Variants in PDE4B observed in about 807,000 individuals in gnomAD.
The protein encoded by PDE4B is phosphodiesterase 4B.
In PDE4B, 20 loss-of-function variants were observed where a neutral mutation model predicts 82.2. That is an observed-to-expected ratio of 0.24 (90% CI 0.17 to 0.35). The LOEUF (loss-of-function observed/expected upper bound fraction) is 0.35. PDE4B is among the 10% of genes least tolerant of loss of function. The pLI is 1.00. For synonymous variants in PDE4B, 320 were observed against 318.9 expected, an observed-to-expected ratio of 1.00 and a Z score of -0.04; for missense variants, 655 against 907.2, an observed-to-expected ratio of 0.72 and a Z score of 3.57.
At chr1:65,928,689 C>T (rs551700076) in intron 3 of PDE4B, among the ~76,000 whole-genome samples, 167 of 152,282 alleles carry the variant, frequency 1.1e-3, no homozygotes, top group African/African-American at 3.9e-3. Flanking sequence ...ATCTTCTGGA[C>T]CCTCCCAGCT....
chr1:65,981,157 T>C (rs1186120774), intron 3 of PDE4B, among the ~76,000 whole-genome samples: 4 of 152,164 alleles, frequency 2.6e-5, no homozygotes, highest in African/African-American at 9.7e-5. Flanking sequence ...TTTCTACCTA[T>C]AATACTTAAG....
At chr1:66,222,214 T>C (rs1651046640) in intron 3 of PDE4B, among the ~76,000 whole-genome samples, 1 of 152,224 alleles carries the variant, frequency 6.6e-6, no homozygotes, top group South Asian at 2.1e-4. Context: ...TTTCTCTCGC[T>C]GTACGTGGTC....
At chr1:65,917,899 C>T (rs1647181006) in intron 2 of PDE4B, among the ~76,000 whole-genome samples, 1 of 152,232 alleles carries the variant, frequency 6.6e-6, no homozygotes, top group Non-Finnish European at 1.5e-5. Flanking sequence ...CGTAGTGGCT[C>T]ATGCCTGTAA....
chr1:65,889,844 G>A (rs573914443), intron 1 of PDE4B, among the ~76,000 whole-genome samples: 14 of 152,168 alleles, frequency 9.2e-5, no homozygotes, highest in Non-Finnish European at 2.1e-4. Flanking sequence ...CTACAATTTT[G>A]TTCCTATGGA....
intron 3 of PDE4B, among the ~76,000 whole-genome samples, chr1:66,227,788 T>C (rs1462266962): frequency 6.6e-6 from 1 of 152,256 alleles, no homozygotes; most frequent in Non-Finnish European, 1.5e-5. Context: ...GATATGCCTA[T>C]TTCATATCTC....
At chr1:66,113,409 T>C (rs1645528644) in intron 3 of PDE4B, among the ~76,000 whole-genome samples, 1 of 152,230 alleles carries the variant, frequency 6.6e-6, no homozygotes, top group South Asian at 2.1e-4. Context: ...ACAAAATTGC[T>C]GTTGCTGATC....
intron 3 of PDE4B, among the ~76,000 whole-genome samples, chr1:65,944,730 A>G (rs1648615548): frequency 6.6e-6 from 1 of 151,958 alleles, no homozygotes; most frequent in Admixed American, 6.6e-5. Flanking sequence ...ACTGCAGGTA[A>G]GTCATGTAAA....
intron 3 of PDE4B, among the ~76,000 whole-genome samples, chr1:65,962,967 A>G (rs1649622075): frequency 6.6e-6 from 1 of 152,180 alleles, no homozygotes; most frequent in Non-Finnish European, 1.5e-5. Flanking sequence ...GTCCCCAGGA[A>G]ACAACAGCAA....
intron 3 of PDE4B, among the ~76,000 whole-genome samples, chr1:66,071,534 C>T (rs922207868): frequency 9.9e-5 from 15 of 152,102 alleles, no homozygotes; most frequent in African/African-American, 3.6e-4. Context: ...ATGTAAGGAG[C>T]TTACATCATT....
At chr1:66,200,601 T>G (rs1376043749) in intron 3 of PDE4B, among the ~76,000 whole-genome samples, 1 of 152,138 alleles carries the variant, frequency 6.6e-6, no homozygotes, top group Non-Finnish European at 1.5e-5. Context: ...TTATTCTCTT[T>G]GAAGCAATTG....
chr1:66,292,941 G>T (rs1414056898), intron 7 of PDE4B, among the ~76,000 whole-genome samples: 1 of 152,156 alleles, frequency 6.6e-6, no homozygotes, highest in African/African-American at 2.4e-5. Context: ...CAAAGGGCCA[G>T]AGCTCCCTGG....
chr1:66,233,694 A>ATGTG (rs140691370), intron 3 of PDE4B, among the ~76,000 whole-genome samples: 180 of 151,046 alleles, frequency 1.2e-3, no homozygotes, highest in East Asian at 8.2e-3. Context: ...ATGTAAATAT[A>ATGTG]TGTGTGTGTG....
At chr1:66,233,360 A>G (rs961867603) in intron 3 of PDE4B, among the ~76,000 whole-genome samples, 1 of 152,056 alleles carries the variant, frequency 6.6e-6, no homozygotes, top group Non-Finnish European at 1.5e-5. Context: ...GGTATATCAC[A>G]ATTTGTTTAT....
chr1:65,925,517 C>G (rs1023933663), intron 3 of PDE4B, among the ~76,000 whole-genome samples: 1 of 152,090 alleles, frequency 6.6e-6, no homozygotes, highest in Non-Finnish European at 1.5e-5. Context: ...TTATGCACCC[C>G]CCGAGCCCCT....
At chr1:66,249,499 C>T (rs1351479036) in intron 4 of PDE4B, among the ~76,000 whole-genome samples, 1 of 152,086 alleles carries the variant, frequency 6.6e-6, no homozygotes, top group Admixed American at 6.6e-5. Flanking sequence ...TATTTGGAAT[C>T]AAAAGGTTGT....
intron 1 of PDE4B, among the ~76,000 whole-genome samples, chr1:65,876,403 AAT>A (rs1646644036): frequency 6.6e-6 from 1 of 152,126 alleles, no homozygotes; most frequent in Non-Finnish European, 1.5e-5. Context: ...TATTTTGTCA[AAT>A]AGTTAAAACA....
chr1:66,336,242 C>T (rs1455230931), intron 8 of PDE4B, among the ~76,000 whole-genome samples: 1 of 152,146 alleles, frequency 6.6e-6, no homozygotes, highest in African/African-American at 2.4e-5. Flanking sequence ...TCCTGACAGA[C>T]GCAGTCAGTA....
intron 3 of PDE4B, among the ~76,000 whole-genome samples, chr1:66,100,140 C>T (rs983691016): frequency 6.6e-6 from 1 of 150,932 alleles, no homozygotes; most frequent in Non-Finnish European, 1.5e-5. Flanking sequence ...TGCAGTCTCC[C>T]CCTCCTGAGT....
chr1:66,371,863 T>A (rs75762396), intron 16 of PDE4B, among the ~76,000 whole-genome samples: 3,102 of 152,240 alleles, frequency 0.02, 100 homozygotes, highest in African/African-American at 0.072. Flanking sequence ...ACTCACAGAA[T>A]CCAAGTAGTG....
Sources: allele counts gnomAD v4.1 joint callset (sites outside exome capture counted in the v4.1 genomes callset), GRCh38; gene constraint gnomAD v4.1.1; transcripts MANE v1.5; gene names NCBI Gene and HGNC (gene_info 2026-07-23, HGNC 2026-07-21).